The following XKR6 variants were observed in gnomAD, a reference collection of about 807,000 sequenced individuals.
The protein encoded by XKR6 is XK related 6.
In XKR6, 22 loss-of-function variants were observed where a neutral mutation model predicts 56.7. That is an observed-to-expected ratio of 0.39 (90% CI 0.28 to 0.55). The LOEUF is 0.55. XKR6 is among the 20% of genes least tolerant of loss of function. The pLI, the probability that XKR6 is intolerant of heterozygous loss-of-function variation, is 0.66. For synonymous variants in XKR6, 524 were observed against 387.8 expected, an observed-to-expected ratio of 1.35 and a Z score of -4.13; for missense variants, 852 against 889.0, an observed-to-expected ratio of 0.96 and a Z score of 0.53.
At chr8:10,949,653 C>A (rs969945930) in intron 1 of XKR6, among the ~76,000 whole-genome samples, 2 of 152,198 alleles carry the variant, frequency 1.3e-5, no homozygotes, top group African/African-American at 4.8e-5. Context: ...TATTGTTATC[C>A]CCATTTTATA....
At chr8:11,038,293 A>C (rs1034748246) in intron 1 of XKR6, among the ~76,000 whole-genome samples, 1 of 152,130 alleles carries the variant, frequency 6.6e-6, no homozygotes, top group Non-Finnish European at 1.5e-5. Flanking sequence ...ATGTTAGAAA[A>C]TTACTAATTT....
intron 1 of XKR6, among the ~76,000 whole-genome samples, chr8:11,142,079 G>C (rs770798721): frequency 1.3e-5 from 2 of 150,424 alleles, no homozygotes; most frequent in African/African-American, 4.9e-5. Flanking sequence ...TGAACTTGAA[G>C]TAAAAATATC....
chr8:10,941,176 C>A (rs948515314), intron 1 of XKR6, among the ~76,000 whole-genome samples: 2 of 152,178 alleles, frequency 1.3e-5, no homozygotes, highest in African/African-American at 2.4e-5. Context: ...CTCTCCTGTC[C>A]TTCCTCCGGG....
intron 1 of XKR6, among the ~76,000 whole-genome samples, chr8:11,011,706 G>A (rs1798503593): frequency 6.6e-6 from 1 of 152,184 alleles, no homozygotes; most frequent in African/African-American, 2.4e-5. Context: ...CAGAGGCTGC[G>A]ATGCGGGAAG....
intron 1 of XKR6, among the ~76,000 whole-genome samples, chr8:11,087,217 C>T (rs554748828): frequency 1.3e-5 from 2 of 152,320 alleles, no homozygotes; most frequent in African/African-American, 2.4e-5. Flanking sequence ...ATCGCTAAGT[C>T]TACCCTTGGA....
chr8:11,188,500 G>T (rs768295322), intron 1 of XKR6, among the ~76,000 whole-genome samples: 5 of 152,128 alleles, frequency 3.3e-5, no homozygotes, highest in African/African-American at 9.7e-5. Context: ...CCAACCCACA[G>T]CCATATATAC....
chr8:10,899,339 G>A (rs963742679), intron 2 of XKR6, among the ~76,000 whole-genome samples: 2 of 152,204 alleles, frequency 1.3e-5, no homozygotes, highest in Non-Finnish European at 2.9e-5. Flanking sequence ...AGGAGGAATC[G>A]CCAATTGTGA....
intron 1 of XKR6, among the ~76,000 whole-genome samples, chr8:11,165,225 A>G (rs1802012831): frequency 6.8e-6 from 1 of 146,092 alleles, no homozygotes; most frequent in African/African-American, 2.6e-5. Flanking sequence ...TCAGCCTCCC[A>G]TGTAGCTGGA....
At chr8:11,030,847 C>T (rs1280857890) in intron 1 of XKR6, among the ~76,000 whole-genome samples, 3 of 152,214 alleles carry the variant, frequency 2.0e-5, no homozygotes, top group Non-Finnish European at 2.9e-5. Context: ...GAGGGAATTG[C>T]CCTCTCAGGC....
At chr8:11,195,292 C>G (rs1803813583) in intron 1 of XKR6, 9 of 629,612 alleles carry the variant, frequency 1.4e-5, no homozygotes, top group Non-Finnish European at 2.3e-5. Flanking sequence ...ACCTTTCATT[C>G]TTTTAGCATT....
chr8:10,952,078 G>C (rs34765821), intron 1 of XKR6, among the ~76,000 whole-genome samples: 14,278 of 152,168 alleles, frequency 0.094, 758 homozygotes, highest in Non-Finnish European at 0.11. Context: ...ACAGGTCCAC[G>C]GCATGACCTC....
chr8:11,082,308 G>A (rs1261625951), intron 1 of XKR6, among the ~76,000 whole-genome samples: 1 of 152,224 alleles, frequency 6.6e-6, no homozygotes, highest in Middle Eastern at 3.2e-3. Context: ...AATATCATGT[G>A]CAATCACTTT....
intron 1 of XKR6, among the ~76,000 whole-genome samples, chr8:11,024,204 G>GGGGGGT (rs1260231733): frequency 6.6e-5 from 9 of 136,810 alleles, no homozygotes; most frequent in African/African-American, 2.1e-4. Flanking sequence ...CCTGTTAGGA[G>GGGGGGT]GTGTGTGTGT....
chr8:10,937,966 A>G (rs2129122477), intron 1 of XKR6, among the ~76,000 whole-genome samples: 1 of 151,244 alleles, frequency 6.6e-6, no homozygotes, highest in Admixed American at 6.6e-5. Context: ...TTACCTAAGC[A>G]AGCCTGAGCA....
intron 1 of XKR6, among the ~76,000 whole-genome samples, chr8:10,931,467 C>G (rs993255949): frequency 6.6e-6 from 1 of 151,912 alleles, no homozygotes; most frequent in Non-Finnish European, 1.5e-5. Context: ...CAAAACAATT[C>G]TAAAAGTGAA....
chr8:10,920,016 C>T (rs1451033555), intron 2 of XKR6, among the ~76,000 whole-genome samples: 2 of 151,962 alleles, frequency 1.3e-5, no homozygotes, highest in Non-Finnish European at 2.9e-5. Flanking sequence ...GAATATTGTT[C>T]TCTTAGCCCA....
Position 10,944,294 on chromosome 8 carries a change from G to T in XKR6, c.765-19464C>A, listed in dbSNP as rs75797490. Among the ~76,000 whole-genome samples the T allele has an allele frequency of 1.2e-4, 18 of 152,314 alleles. No individual in the cohort carries two copies. In the East Asian group the frequency reaches 2.5e-3, roughly 21 times the overall value. On this transcript the variant is annotated intron_variant, in intron 1 of 2. Transcript: ENST00000416569. ...GCAGCAGCTAAATTCAAGCAGGAAA[G>T]ATTTAAGTTGAACACAAGAAAGAAC...
Position 10,898,212 on chromosome 8 carries a change from C to T in XKR6, c.1666G>A (p.Ala556Thr), listed in dbSNP as rs1357179727. 1.2e-6 allele frequency: 2 copies of T among 1,614,120 alleles called. No homozygotes were observed. The highest frequency in any genetic ancestry group is 8.5e-7 in the Non-Finnish European group (1 of 1,180,008). Reference sequence around the variant, plus strand: ...TGGAAAACAGGCAAGCAAGTGTCAGCCGTGAGATCCTCCTGTTGTTCCGTT... The same window carrying T: ...TGGAAAACAGGCAAGCAAGTGTCAGTCGTGAGATCCTCCTGTTGTTCCGTT... ...AVTEQQEDLT[A>T]DTCLPVFQVR... Residue 556 changes from alanine to threonine, a missense_variant, in exon 3 of 3, where the codon GCT becomes ACT. By Grantham distance (58) the Ala-to-Thr change is moderately conservative. Around this residue, in one of 4 missense-constraint regions of XKR6, gnomAD observed 197 missense variants for 190.9 expected, o/e 1.03. Coordinates refer to ENST00000416569, the MANE Select transcript of XKR6 (RefSeq NM_173683.4). The surrounding 1 kb of genome is among the most constrained non-coding windows in gnomAD (Gnocchi z 6.6).
intron 2 of XKR6, among the ~76,000 whole-genome samples, chr8:10,903,213 T>C (rs1303815746): frequency 1.3e-5 from 2 of 152,218 alleles, no homozygotes; most frequent in African/African-American, 4.8e-5. Flanking sequence ...CAAATGTTCA[T>C]GGCTCAGCCA....
Sources: allele counts gnomAD v4.1 joint callset (sites outside exome capture counted in the v4.1 genomes callset), GRCh38; gene constraint gnomAD v4.1.1; regional missense constraint gnomAD v4.1.1; non-coding constraint Gnocchi (gnomAD v3.1); transcripts MANE v1.5; gene names NCBI Gene and HGNC (gene_info 2026-07-23, HGNC 2026-07-21).